The following PIGH variants were observed in gnomAD, a reference collection of about 807,000 sequenced individuals.
PIGH encodes phosphatidylinositol glycan anchor biosynthesis class H, also known as phosphatidylinositol N-acetylglucosaminyltransferase subunit H.
A neutral mutation model predicts 20.1 loss-of-function variants in PIGH; 11 were observed. The observed-to-expected ratio is 0.55, with a 90% CI of 0.34 to 0.91. PIGH has a LOEUF of 0.91. Ranked by LOEUF, PIGH falls within the 40% of genes least tolerant of loss-of-function variation. PIGH has a pLI of 0.02. For missense variants in PIGH, 189 were observed against 233.6 expected, an observed-to-expected ratio of 0.81 and a Z score of 1.24; for synonymous variants, 72 against 93.1, an observed-to-expected ratio of 0.77 and a Z score of 1.31.
At chr14:67,594,945 C>T (rs1421839655) in intron 1 of PIGH, among the ~76,000 whole-genome samples, 2 of 151,846 alleles carry the variant, frequency 1.3e-5, no homozygotes, top group East Asian at 1.9e-4. Context: ...GTCAGGAGAT[C>T]GAGACCACGG....
At chr14:67,594,381 G>C (rs1173200980) in intron 1 of PIGH, among the ~76,000 whole-genome samples, 2 of 152,196 alleles carry the variant, frequency 1.3e-5, no homozygotes, top group Non-Finnish European at 2.9e-5. Flanking sequence ...GAGTGAGGTG[G>C]CTCACGCCTG....
Position 67,590,068 on chromosome 14 carries a change from G to C in PIGH, c.*12C>G. The C allele has an allele frequency of 6.5e-7, 1 of 1,548,182 alleles. No homozygotes were observed. The highest frequency in any genetic ancestry group is 8.7e-7 in the Non-Finnish European group (1 of 1,146,136). On this transcript the variant is annotated 3_prime_UTR_variant, in exon 4 of 4. Transcript: ENST00000216452. Reference sequence around the variant, plus strand: ...CCATGGAAGACAATGCTGGCCTTCTGAACGCTGGGGCTCATGGGCTTGTTG... The same window carrying C: ...CCATGGAAGACAATGCTGGCCTTCTCAACGCTGGGGCTCATGGGCTTGTTG...
rs79320323 is a variant in PIGH, at chr14:67,592,732, A to C, written c.391-14T>G. On this transcript the variant is annotated splice_polypyrimidine_tract_variant and intron_variant, in intron 2 of 3. Coordinates refer to ENST00000216452, the MANE Select transcript of PIGH (RefSeq NM_004569.5). The stretch of plus-strand genomic sequence containing the variant: ...AATCACCTTCTGCTGTAAGAAAATA[A>C]ATCAAATAGCAAAGTCTAAGTGAAA... The C allele has an allele frequency of 3.5e-5, 52 of 1,481,058 alleles. No homozygotes were observed. In the East Asian group the frequency reaches 9.9e-4, roughly 28 times the overall value. 91.7% of individuals were successfully genotyped at this position (1,481,058 alleles called of 1,614,324 possible). A position where few individuals can be genotyped will look rare whatever the true frequency, so the allele number is the denominator to read the frequency against.
intron 2 of PIGH, 98 bp downstream of exon 2, chr14:67,593,643 TAA>T: frequency 1.5e-6 from 1 of 674,340 alleles, no homozygotes; most frequent in East Asian, 2.7e-5. Context: ...CTTTTAAATA[TAA>T]GTCTCACTTT....
rs755906312 is a variant in PIGH, at chr14:67,594,517, C to T, written c.181-565G>A. ...CAAAAAGTAGCTGGGCGTGTTGGCA[C>T]GTGCCTCTAGTCCCAGCTACTCTGG... is the stretch of plus-strand genomic sequence containing the variant. On this transcript the variant is annotated intron_variant, in intron 1 of 3. Coordinates refer to ENST00000216452, the MANE Select transcript of PIGH (RefSeq NM_004569.5). Among the ~76,000 whole-genome samples the T allele has an allele frequency of 5.3e-5, 8 of 151,098 alleles. No individual in the cohort carries two copies. The East Asian group carries it at 1.2e-3, about 22-fold the overall frequency.
At chr14:67,591,060 C>T (rs1340428759) in intron 3 of PIGH, among the ~76,000 whole-genome samples, 3 of 151,634 alleles carry the variant, frequency 2.0e-5, no homozygotes, top group Non-Finnish European at 4.4e-5. Flanking sequence ...AAGTGCACTA[C>T]CTAAAATATA....
At chr14:67,596,348 CCTGGCTGG>C (rs2036474722) in intron 1 of PIGH, among the ~76,000 whole-genome samples, 1 of 115,394 alleles carries the variant, frequency 8.7e-6, no homozygotes, top group Non-Finnish European at 1.7e-5. Flanking sequence ...ACTATGTTGG[CCTGGCTGG>C]TCTCGAACTC....
chr14:67,597,990 G>C (rs573428590), intron 1 of PIGH, among the ~76,000 whole-genome samples: 1 of 152,260 alleles, frequency 6.6e-6, no homozygotes, highest in East Asian at 1.9e-4. Context: ...AATCCTTAAG[G>C]ATTTGATCCA....
intron 1 of PIGH, 65 bp from the exon 2 acceptor site, chr14:67,594,017 A>C (rs2036425498): frequency 1.9e-6 from 2 of 1,047,228 alleles, no homozygotes. Context: ...CCAGGCAATG[A>C]GGGGAACATG....
At chr14:67,598,623 C>A (rs55650247) in intron 1 of PIGH, among the ~76,000 whole-genome samples, 2,093 of 152,060 alleles carry the variant, frequency 0.014, 56 homozygotes, top group African/African-American at 0.047. Flanking sequence ...AGAACTCAGG[C>A]TAGTACTAAA....
rs370375274 is a variant in PIGH at position 67,593,904 on chromosome 14, G to C, written c.229C>G (p.Leu77Val). 1.2e-6 allele frequency: 2 copies of C among 1,613,430 alleles called. No homozygotes were observed. Among genetic ancestry groups the C allele is most frequent in the Admixed American group, 3.3e-5 (2 of 59,956 alleles). The change falls in exon 2 of 4, where the codon CTT becomes GTT. Residue 77 changes from leucine to valine, a missense_variant. Leu to Val is a conservative substitution (Grantham distance 32). Transcript: ENST00000216452. ...ATCTTCACAAAATGGAGATAACCAA[G>C]CAGACCTAAGAGGGTGATGAAGATG... ...AAIFITLLGL[L>V]GYLHFVKIDQ...
chr14:67,593,802 T>G lies in PIGH; in HGVS notation c.331A>C (p.Thr111Pro), dbSNP rs748797041. The G allele has an allele frequency of 3.1e-6, 5 of 1,613,746 alleles. No individual in the cohort carries two copies. The Admixed American group carries it at 8.3e-5, about 27-fold the overall frequency. ...ACCTTGCCCATTTCTATGAAGGTAG[T>G]GCTTTCTTTGCCTGAAGCATAAGAT... ...TSSYASGKES[T>P]TFIEMGKVKD... The change falls in exon 2 of 4, where the codon ACT becomes CCT. Residue 111 changes from threonine to proline, a missense_variant. By Grantham distance (38) the Thr-to-Pro change is conservative. Transcript: ENST00000216452.
chr14:67,596,295 AT>A (rs772451900), intron 1 of PIGH, among the ~76,000 whole-genome samples: 47 of 60,222 alleles, frequency 7.8e-4, no homozygotes, highest in African/African-American at 2.9e-3. Flanking sequence ...CGCCCAGCTA[AT>A]TTTTTTTTTT....
intron 1 of PIGH, among the ~76,000 whole-genome samples, chr14:67,595,307 G>A (rs142776421): frequency 1.1e-4 from 16 of 152,136 alleles, no homozygotes; most frequent in South Asian, 2.1e-4. Flanking sequence ...TTGAAGTACC[G>A]TTCCTACTTG....
intron 1 of PIGH, among the ~76,000 whole-genome samples, chr14:67,596,710 T>A (rs1241825134): frequency 1.3e-5 from 2 of 152,190 alleles, no homozygotes; most frequent in East Asian, 3.8e-4. Context: ...ACCCTTGGTA[T>A]TTGATCAGCC....
At chr14:67,595,807 A>G (rs1017843022) in intron 1 of PIGH, among the ~76,000 whole-genome samples, 11 of 152,182 alleles carry the variant, frequency 7.2e-5, no homozygotes, top group Middle Eastern at 3.2e-3. Flanking sequence ...GGTGGAGGAC[A>G]AGTAGGGCAC....
chr14:67,599,683 T>C (rs2036538122), intron 1 of PIGH, among the ~76,000 whole-genome samples: 1 of 152,142 alleles, frequency 6.6e-6, no homozygotes, highest in African/African-American at 2.4e-5. Context: ...TTCCTTGAAC[T>C]CTTGGAATTA....
Position 67,600,207 on chromosome 14 carries a change from G to T in PIGH, c.-4C>A, listed in dbSNP as rs1156413177. The T allele has an allele frequency of 1.3e-6, 2 of 1,566,488 alleles. No homozygotes were observed. The highest frequency in any genetic ancestry group is 2.4e-5 in the East Asian group (1 of 42,154). ...AAAAGCTCCGCTCATCCTCCATGAC[G>T]CCCCCACTCGGCCGCCCGCACCGCG... On this transcript the variant is annotated 5_prime_UTR_variant, in exon 1 of 4. Transcript: ENST00000216452.
At chr14:67,592,786 C>A in intron 2 of PIGH, 68 bp from the exon 3 acceptor site, 1 of 1,007,072 alleles carries the variant, frequency 9.9e-7, no homozygotes, top group East Asian at 2.6e-5. Flanking sequence ...TTTCTTTTTC[C>A]TTTATTTATT....
Sources: allele counts gnomAD v4.1 joint callset (sites outside exome capture counted in the v4.1 genomes callset), GRCh38; gene constraint gnomAD v4.1.1; transcripts MANE v1.5; gene names NCBI Gene and HGNC (gene_info 2026-07-23, HGNC 2026-07-21).